Variants in NLGN4Y observed in about 807,000 individuals in gnomAD.
The protein encoded by NLGN4Y is neuroligin-4, Y-linked.
In NLGN4Y, 4 loss-of-function variants were observed where a neutral mutation model predicts 8.4. The ratio of observed to expected loss-of-function variants is 0.48; its 90% CI spans 0.23 to 1.09. The LOEUF (loss-of-function observed/expected upper bound fraction) is 1.09. Among genes scored for constraint, NLGN4Y ranks in the 50% least tolerant of loss-of-function variants. The probability of loss-of-function intolerance (pLI) is 0.19; values close to 1 mark genes in which losing one functional copy is unlikely to be tolerated. For synonymous variants in NLGN4Y, 35 were observed against 75.6 expected (o/e 0.46, Z 2.78); for missense variants, 90 against 192.3 (o/e 0.47, Z 3.15).
At chrY:14,716,943 A>G in intron 2 of NLGN4Y, among the ~76,000 whole-genome samples, 1 of 34,199 alleles carries the variant, frequency 2.9e-5, no homozygotes. Flanking sequence ...GTTATTAGAC[A>G]TTAGCTACAT....
At chrY:14,594,387 G>T (rs987481314) in intron 1 of NLGN4Y, among the ~76,000 whole-genome samples, 2 of 33,112 alleles carry the variant, frequency 6.0e-5, no homozygotes, top group Non-Finnish European at 1.5e-4. Context: ...GTAGTAAACC[G>T]CACTGATAAC....
At chrY:14,633,306 A>C in intron 2 of NLGN4Y, among the ~76,000 whole-genome samples, 1 of 33,677 alleles carries the variant, frequency 3.0e-5, no homozygotes, top group African/African-American at 1.2e-4. Context: ...TATTTTGGAT[A>C]CTACTTTAGC....
chrY:14,730,841 C>G (rs2080969062), intron 4 of NLGN4Y, among the ~76,000 whole-genome samples: 1 of 32,828 alleles, frequency 3.0e-5, no homozygotes, highest in African/African-American at 1.2e-4. Flanking sequence ...GTTATCTAGT[C>G]ATTTGTTATG....
intron 2 of NLGN4Y, among the ~76,000 whole-genome samples, chrY:14,637,860 T>TTGTG (rs372147890): frequency 1.5e-4 from 4 of 26,517 alleles, no homozygotes; most frequent in Admixed American, 3.8e-4. Flanking sequence ...TTTTTTTTTT[T>TTGTG]TGTGTGTGTG....
chrY:14,617,912 G>C (rs2080495737), intron 1 of NLGN4Y, among the ~76,000 whole-genome samples: 1 of 30,233 alleles, frequency 3.3e-5, no homozygotes, highest in African/African-American at 1.3e-4. Context: ...ACCTCCTACT[G>C]GAGCCTCAGT....
intron 2 of NLGN4Y, among the ~76,000 whole-genome samples, chrY:14,715,954 A>G (rs894753709): frequency 6.1e-5 from 2 of 33,051 alleles, no homozygotes; most frequent in Non-Finnish European, 7.4e-5. Flanking sequence ...TACTCCCTCA[A>G]TACTTAACAA....
chrY:14,823,942 T>TA (rs2043133134), intron 4 of NLGN4Y, among the ~76,000 whole-genome samples: 2 of 33,918 alleles, frequency 5.9e-5, no homozygotes, highest in African/African-American at 2.3e-4. Flanking sequence ...AGATTTATTT[T>TA]GCCTTCTACA....
chrY:14,763,147 G>A, intron 4 of NLGN4Y, among the ~76,000 whole-genome samples: 1 of 33,664 alleles, frequency 3.0e-5, no homozygotes, highest in East Asian at 7.9e-4. Flanking sequence ...AGTTTAAACA[G>A]GAAACATTCT....
chrY:14,532,150 T>G (rs2080117126), intron 1 of NLGN4Y, among the ~76,000 whole-genome samples: 1 of 24,043 alleles, frequency 4.2e-5, no homozygotes, highest in Non-Finnish European at 1.0e-4. Flanking sequence ...TGTCAAGCCA[T>G]GTGTCTCTCC....
At chrY:14,528,462 C>T (rs2080100789) in intron 1 of NLGN4Y, among the ~76,000 whole-genome samples, 2 of 32,507 alleles carry the variant, frequency 6.2e-5, no homozygotes, top group Non-Finnish European at 1.5e-4. Context: ...GAAGCAAACA[C>T]ATCCTTCACA....
chrY:14,680,069 C>A, intron 2 of NLGN4Y, among the ~76,000 whole-genome samples: 1 of 33,470 alleles, frequency 3.0e-5, no homozygotes. Flanking sequence ...TTCTTAGACC[C>A]ATATAGTCAT....
chrY:14,648,279 T>C, intron 2 of NLGN4Y, among the ~76,000 whole-genome samples: 2 of 32,858 alleles, frequency 6.1e-5, no homozygotes, highest in Non-Finnish European at 7.4e-5. Context: ...TGGTGGTACA[T>C]GCCCGTAATC....
At chrY:14,588,041 G>T (rs2080347323) in intron 1 of NLGN4Y, among the ~76,000 whole-genome samples, 2 of 33,371 alleles carry the variant, frequency 6.0e-5, no homozygotes, top group African/African-American at 2.3e-4. Context: ...TTGAGGATGG[G>T]AATTTGATTG....
Position 14,718,197 on chromosome Y carries a change from T to A in NLGN4Y, c.473-1262T>A, listed in dbSNP as rs781177859. On this transcript the variant is annotated intron_variant, in intron 2 of 6. Coordinates refer to ENST00000684976, the MANE Select transcript of NLGN4Y (RefSeq NM_001365588.1). ...AGCCAGGTCTGATTTTAAAGGATAT[T>A]AAGCCCCATTAAATGGAAATTAAGT... Among the ~76,000 whole-genome samples the A allele has an allele frequency of 1.2e-4, 4 of 34,196 alleles. No individual in the cohort carries two copies. In the South Asian group the frequency reaches 2.6e-3, roughly 22 times the overall value. The allele number at this position is 34,196 out of a possible 37,273, so 91.7% of individuals were successfully genotyped here.
At chrY:14,711,181 T>C in intron 2 of NLGN4Y, among the ~76,000 whole-genome samples, 2 of 33,085 alleles carry the variant, frequency 6.0e-5, no homozygotes, top group Non-Finnish European at 1.5e-4. Flanking sequence ...TTGGGGCCAA[T>C]GGGTTCTTCT....
intron 4 of NLGN4Y, among the ~76,000 whole-genome samples, chrY:14,728,864 G>A: frequency 6.1e-5 from 2 of 32,957 alleles, no homozygotes; most frequent in South Asian, 1.3e-3. Context: ...TATTCTTAAG[G>A]CCACTCAATT....
intron 1 of NLGN4Y, among the ~76,000 whole-genome samples, chrY:14,580,532 G>A (rs749440856): frequency 3.1e-5 from 1 of 32,182 alleles, no homozygotes; most frequent in Non-Finnish European, 7.5e-5. Context: ...ATAGTTAAAA[G>A]CATTATTTCT....
intron 4 of NLGN4Y, among the ~76,000 whole-genome samples, chrY:14,771,947 C>T: frequency 3.0e-5 from 1 of 32,984 alleles, no homozygotes; most frequent in African/African-American, 1.2e-4. Flanking sequence ...ACTAAATACC[C>T]GCAGTAGAAA....
chrY:14,536,413 A>AT (rs2080134244), intron 1 of NLGN4Y, among the ~76,000 whole-genome samples: 1 of 30,178 alleles, frequency 3.3e-5, no homozygotes, highest in Non-Finnish European at 7.9e-5. Flanking sequence ...CGCCCGGCTA[A>AT]TTTTTTTGTA....
Sources: gnomAD v4.1 joint callset for allele counts (sites outside exome capture counted in the v4.1 genomes callset) on GRCh38, gnomAD v4.1.1 for gene constraint, MANE v1.5 for transcripts, NCBI Gene and HGNC (gene_info 2026-07-23, HGNC 2026-07-21) for gene names.